The following BLTP1 variants were observed in gnomAD, a reference collection of about 807,000 sequenced individuals.
BLTP1 encodes the protein fragile site-associated protein.
At chr4:122,227,405 T>G in the BLTP1 span, 5 of 985,100 alleles carry the variant, frequency 5.1e-6, no homozygotes, top group Non-Finnish European at 6.0e-6. Flanking sequence ...TGCCATAGTA[T>G]TATTGTGCAA....
chr4:122,285,970 A>G, the BLTP1 span, among the ~76,000 whole-genome samples: 3 of 152,220 alleles, frequency 2.0e-5, no homozygotes, highest in Admixed American at 1.3e-4. Flanking sequence ...ATAGTAAACT[A>G]AAATTCATAA....
At chr4:122,172,877 G>A in the BLTP1 span, 6 of 970,068 alleles carry the variant, frequency 6.2e-6, no homozygotes, top group Middle Eastern at 5.2e-4. Flanking sequence ...GGATCTGATC[G>A]GAATTTATGC....
chr4:122,328,671 A>T, the BLTP1 span: 20 of 983,152 alleles, frequency 2.0e-5, no homozygotes, highest in African/African-American at 3.1e-4. Flanking sequence ...TTCCTGTGGC[A>T]TTACATTAAC....
chr4:122,325,701 GGAA>G, the BLTP1 span: 15 of 901,892 alleles, frequency 1.7e-5, no homozygotes, highest in Admixed American at 3.2e-5. Context: ...GAAATTAGAA[GGAA>G]GAAGATCAGC....
At chr4:122,347,710 G>C in the BLTP1 span, 1 of 1,613,680 alleles carries the variant, frequency 6.2e-7, no homozygotes, top group Non-Finnish European at 8.5e-7. Flanking sequence ...AGGGACAGTA[G>C]GACAGAGCCT....
chr4:122,321,546 TAC>T, the BLTP1 span, among the ~76,000 whole-genome samples: 1 of 152,100 alleles, frequency 6.6e-6, no homozygotes, highest in Non-Finnish European at 1.5e-5. Flanking sequence ...TGTGTATATA[TAC>T]ACACACTCAC....
chr4:122,265,990 G>T, the BLTP1 span, among the ~76,000 whole-genome samples: 1 of 152,158 alleles, frequency 6.6e-6, no homozygotes, highest in Non-Finnish European at 1.5e-5. Context: ...CACCGTGCCC[G>T]GCCTAGATAG....
At chr4:122,213,149 C>T in the BLTP1 span, among the ~76,000 whole-genome samples, 3 of 152,102 alleles carry the variant, frequency 2.0e-5, no homozygotes, top group African/African-American at 7.2e-5. Context: ...CCTCCTGCTT[C>T]AGCCTGTTGA....
At chr4:122,152,683 A>C in the BLTP1 span, 9 of 964,342 alleles carry the variant, frequency 9.3e-6, no homozygotes, top group Non-Finnish European at 1.1e-5. Context: ...GCTTTGGCTT[A>C]GTAGTGGCTG....
the BLTP1 span, chr4:122,237,759 C>T: frequency 2.7e-5 from 7 of 257,528 alleles, no homozygotes; most frequent in Non-Finnish European, 3.6e-5. Flanking sequence ...CTGAGGAGGG[C>T]GGATCACGAA....
At chr4:122,341,987 T>G in the BLTP1 span, among the ~76,000 whole-genome samples, 1 of 152,128 alleles carries the variant, frequency 6.6e-6, no homozygotes, top group Non-Finnish European at 1.5e-5. Context: ...CATTGTTAAG[T>G]GTGGAGACTG....
the BLTP1 span, chr4:122,350,405 G>A: frequency 0.066 from 65,272 of 982,462 alleles, 2,402 homozygotes; most frequent in Non-Finnish European, 0.073. Context: ...TTTATTAGGT[G>A]ATAAGCAGGT....
At chr4:122,203,448 A>T in the BLTP1 span, among the ~76,000 whole-genome samples, 4 of 152,006 alleles carry the variant, frequency 2.6e-5, no homozygotes, top group Middle Eastern at 3.4e-3. Flanking sequence ...TTGATGTATT[A>T]TAGGGTGTTT....
chr4:122,181,529 A>C, the BLTP1 span, among the ~76,000 whole-genome samples: 1 of 151,982 alleles, frequency 6.6e-6, no homozygotes, highest in Non-Finnish European at 1.5e-5. Flanking sequence ...CCTTAATCAG[A>C]GAGAGAAATA....
At chr4:122,209,670 A>C in the BLTP1 span, 1 of 1,072,882 alleles carries the variant, frequency 9.3e-7, no homozygotes, top group Non-Finnish European at 1.3e-6. Flanking sequence ...AAAATAAAAT[A>C]AAATTAGTGA....
the BLTP1 span, chr4:122,270,455 A>T: frequency 1.7e-6 from 1 of 574,564 alleles, no homozygotes; most frequent in Non-Finnish European, 2.2e-6. Flanking sequence ...TAATAGTCTT[A>T]CATGAAAATC....
the BLTP1 span, chr4:122,356,067 T>C: frequency 9.3e-7 from 1 of 1,070,206 alleles, no homozygotes; most frequent in Non-Finnish European, 1.3e-6. Flanking sequence ...CCCATGGATT[T>C]TTTGTAATAC....
At chr4:122,224,243 A>T in the BLTP1 span, 1 of 370,106 alleles carries the variant, frequency 2.7e-6, no homozygotes, top group Non-Finnish European at 3.7e-6. Context: ...TACCAATCAG[A>T]GATCTGTCTA....
At chr4:122,232,949 T>G in the BLTP1 span, among the ~76,000 whole-genome samples, 4 of 152,210 alleles carry the variant, frequency 2.6e-5, no homozygotes, top group Non-Finnish European at 5.9e-5. Flanking sequence ...CCCAGGAGTT[T>G]TAGAGAAATG....
Sources: allele counts gnomAD v4.1 joint callset (sites outside exome capture counted in the v4.1 genomes callset), GRCh38; gene constraint gnomAD v4.1.1; transcripts MANE v1.5; gene names NCBI Gene and HGNC (gene_info 2026-07-23, HGNC 2026-07-21).